The following LTBP1 variants were observed in gnomAD, a reference collection of about 807,000 sequenced individuals.
The protein encoded by LTBP1 is latent transforming growth factor beta binding protein 1, also known as latent-transforming growth factor beta-binding protein 1.
Under a neutral mutation model 207.6 loss-of-function variants are expected in LTBP1, and 129 were observed. The observed-to-expected ratio is 0.62, with a 90% CI of 0.54 to 0.72. The LOEUF is 0.72. Ranked by LOEUF, LTBP1 falls within the 30% of genes least tolerant of loss-of-function variation. LTBP1 has a pLI of 0.00. For missense variants in LTBP1, 2,281 were observed against 2,217.2 expected (o/e 1.03, Z -0.58); for synonymous variants, 963 against 833.7 (o/e 1.16, Z -2.67).
chr2:32,999,682 G>A (rs1318318396), intron 2 of LTBP1, among the ~76,000 whole-genome samples: 1 of 133,476 alleles, frequency 7.5e-6, no homozygotes, highest in African/African-American at 2.6e-5. Flanking sequence ...ATGAGGTCAG[G>A]AGTTCAAGAC....
At chr2:33,096,096 GA>G (rs1445181228) in intron 3 of LTBP1, among the ~76,000 whole-genome samples, 1 of 151,992 alleles carries the variant, frequency 6.6e-6, no homozygotes, top group Non-Finnish European at 1.5e-5. Context: ...TAAAACAACT[GA>G]AAACCAAAGA....
intron 5 of LTBP1, among the ~76,000 whole-genome samples, chr2:33,180,381 CT>C (rs2148665151): frequency 6.6e-6 from 1 of 151,546 alleles, no homozygotes; most frequent in South Asian, 2.1e-4. Flanking sequence ...TCCAGCCTTT[CT>C]TTTTTCCCCT....
chr2:33,360,658 T>A lies in LTBP1; in HGVS notation c.4062T>A (p.Asn1354Lys). 6.2e-7 allele frequency: 1 copy of A among 1,613,722 alleles called. No individual in the cohort carries two copies. Among genetic ancestry groups the A allele is most frequent in the Non-Finnish European group, 8.5e-7 (1 of 1,179,596 alleles). ...AGAAAGAATGCTACTATAATCTCAA[T>A]GACGCCAGTCTCTGTGATAATGTGT... ...EEKKECYYNL[N>K]DASLCDNVLA... is the part of the protein sequence containing the mutation. Residue 1354 changes from asparagine to lysine, a missense_variant, in exon 27 of 34, where the codon AAT becomes AAA. Physicochemically the swap from Asn to Lys is moderately conservative, Grantham distance 94. Transcript: ENST00000404816.
chr2:33,252,125 C>G (rs1023525723), intron 10 of LTBP1, among the ~76,000 whole-genome samples: 3 of 152,152 alleles, frequency 2.0e-5, no homozygotes, highest in African/African-American at 7.2e-5. Context: ...GTGTGGCACT[C>G]GAAATCAGAA....
intron 2 of LTBP1, among the ~76,000 whole-genome samples, chr2:32,975,114 T>C (rs1030680814): frequency 2.0e-5 from 3 of 152,274 alleles, no homozygotes; most frequent in African/African-American, 7.2e-5. Context: ...GAAAAGGGTC[T>C]TATTTCTTCT....
intron 2 of LTBP1, among the ~76,000 whole-genome samples, chr2:32,982,752 C>G (rs762027415): frequency 9.9e-5 from 15 of 152,198 alleles, no homozygotes; most frequent in Non-Finnish European, 2.2e-4. Flanking sequence ...TGGCAGCTTC[C>G]ACATGATGTT....
intron 26 of LTBP1, among the ~76,000 whole-genome samples, chr2:33,355,802 A>G (rs2094851277): frequency 6.6e-6 from 1 of 152,062 alleles, no homozygotes; most frequent in Admixed American, 6.6e-5. Context: ...AGCCTTGTCT[A>G]CCCATCCCTC....
intron 31 of LTBP1, among the ~76,000 whole-genome samples, chr2:33,379,196 CTT>C (rs550839552): frequency 0.14 from 15,256 of 108,256 alleles, 336 homozygotes; most frequent in African/African-American, 0.2. Flanking sequence ...TTTGCCATTG[CTT>C]TTTTTTTTTT....
intron 9 of LTBP1, among the ~76,000 whole-genome samples, chr2:33,233,738 T>G (rs1002026313): frequency 1.3e-5 from 2 of 152,158 alleles, no homozygotes; most frequent in Non-Finnish European, 2.9e-5. Context: ...ACTGTTTGCA[T>G]AAGAATGTGA....
intron 7 of LTBP1, among the ~76,000 whole-genome samples, chr2:33,196,156 G>A (rs2088537167): frequency 6.6e-6 from 1 of 152,038 alleles, no homozygotes; most frequent in African/African-American, 2.4e-5. Flanking sequence ...CAGTGGTCAG[G>A]AACTGAACCC....
intron 2 of LTBP1, among the ~76,000 whole-genome samples, chr2:32,983,095 T>C (rs1168524759): frequency 6.6e-6 from 1 of 152,192 alleles, no homozygotes; most frequent in African/African-American, 2.4e-5. Context: ...GGAGTGGTGC[T>C]CTATCCTGCA....
At chr2:33,368,916 A>C (rs1408096502) in intron 31 of LTBP1, among the ~76,000 whole-genome samples, 1 of 152,118 alleles carries the variant, frequency 6.6e-6, no homozygotes, top group Non-Finnish European at 1.5e-5. Flanking sequence ...ATACTGTAAA[A>C]ATTTACACTC....
At chr2:33,249,380 A>C (rs1335572714) in intron 10 of LTBP1, among the ~76,000 whole-genome samples, 2 of 146,940 alleles carry the variant, frequency 1.4e-5, no homozygotes, top group Admixed American at 1.4e-4. Context: ...TACAACCTCC[A>C]GCATAAATGG....
intron 2 of LTBP1, among the ~76,000 whole-genome samples, chr2:32,966,388 G>A (rs943662348): frequency 6.6e-6 from 1 of 151,998 alleles, no homozygotes; most frequent in African/African-American, 2.4e-5. Context: ...GTTATATCTT[G>A]TTTTATTTTA....
At chr2:32,948,654 G>A (rs1558423110) in intron 1 of LTBP1, among the ~76,000 whole-genome samples, 1 of 152,180 alleles carries the variant, frequency 6.6e-6, no homozygotes, top group Non-Finnish European at 1.5e-5. Flanking sequence ...CTAGGTTTAT[G>A]CAGGCTTTTT....
intron 7 of LTBP1, among the ~76,000 whole-genome samples, chr2:33,203,655 A>G (rs1022316168): frequency 6.6e-6 from 1 of 152,160 alleles, no homozygotes; most frequent in African/African-American, 2.4e-5. Context: ...GGCAATTAAA[A>G]TGCCTTTATC....
In LTBP1 at chr2:33,139,020, G is replaced by A. The variant is rs552431338; in HGVS notation, c.1201+4060G>A. On this transcript the variant is annotated intron_variant, in intron 5 of 33. Coordinates refer to ENST00000404816, the MANE Select transcript of LTBP1 (RefSeq NM_206943.4). ...ACTACAGGCGCCCGCTACCACGCCC[G>A]GCTAATTTTTTGTATTTTTAGTAGA... Among the ~76,000 whole-genome samples the A allele has an allele frequency of 1.3e-4, 19 of 150,786 alleles. No individual in the cohort carries two copies. The East Asian group carries it at 1.9e-3, about 15-fold the overall frequency.
chr2:33,347,546 G>A, intron 26 of LTBP1, 36 bp downstream of exon 26: 1 of 1,612,206 alleles, frequency 6.2e-7, no homozygotes, highest in Non-Finnish European at 8.5e-7. Flanking sequence ...GGAATGACAG[G>A]CTCCTCTCAA....
At chr2:33,105,387 C>G (rs768844922) in intron 3 of LTBP1, among the ~76,000 whole-genome samples, 10 of 151,304 alleles carry the variant, frequency 6.6e-5, no homozygotes, top group African/African-American at 1.5e-4. Context: ...AAATACCTTA[C>G]TGCTCGAAAA....
Sources: gnomAD v4.1 joint callset for allele counts (sites outside exome capture counted in the v4.1 genomes callset) on GRCh38, gnomAD v4.1.1 for gene constraint, MANE v1.5 for transcripts, NCBI Gene and HGNC (gene_info 2026-07-23, HGNC 2026-07-21) for gene names.